The following CLEC2D variants were observed in gnomAD, a reference collection of about 807,000 sequenced individuals.
CLEC2D encodes C-type lectin domain family 2 member D, also known as C-type lectin related f.
Under a neutral mutation model 20.0 loss-of-function variants are expected in CLEC2D, and 16 were observed. That is an observed-to-expected ratio of 0.80 (90% confidence interval 0.54 to 1.22). CLEC2D has a LOEUF of 1.22. Among genes scored for constraint, CLEC2D ranks in the 50% most tolerant of loss-of-function variants. The pLI is 0.00. For missense variants in CLEC2D, 207 were observed against 221.5 expected (o/e 0.93, Z 0.42); for synonymous variants, 77 against 71.1 (o/e 1.08, Z -0.42).
At chr12:9,692,494 A>G (rs1245831927) in intron 3 of CLEC2D, among the ~76,000 whole-genome samples, 1 of 152,190 alleles carries the variant, frequency 6.6e-6, no homozygotes, top group East Asian at 1.9e-4. Flanking sequence ...ATTCTAGGAC[A>G]GGTGCCAAGA....
In CLEC2D at chr12:9,698,242, AATTT is replaced by A. The variant is rs1380893208; in HGVS notation, c.*3372_*3375del. On this transcript the variant is annotated 3_prime_UTR_variant, in exon 5 of 5. Coordinates refer to ENST00000290855, the MANE Select transcript of CLEC2D (RefSeq NM_013269.6). ...CATTTTCTGTGGTGAGAACATTTGA[AATTT>A]ATTCTCTTGACAATTTTGAAAGATC... 15 of 152,298 alleles carry A rather than the reference AATTT, an allele frequency of 9.8e-5. No homozygotes were observed. The highest frequency in any genetic ancestry group is 1.9e-4 in the East Asian group (1 of 5,188). The allele number at this position is 152,298 out of a possible 1,614,324, so 9.4% of individuals were successfully genotyped here. A position where few individuals can be genotyped will look rare whatever the true frequency, so the allele number is the denominator to read the frequency against.
At position 9,695,566 on chromosome 12, in the gene CLEC2D, G is replaced by T; in HGVS notation, c.*692G>T. 2 of 1,415,222 alleles carry T rather than the reference G, an allele frequency of 1.4e-6. No homozygotes were observed. The highest frequency in any genetic ancestry group is 2.0e-6 in the Non-Finnish European group (2 of 1,014,512). The allele number at this position is 1,415,222 out of a possible 1,614,324, so 87.7% of individuals were successfully genotyped here. On this transcript the variant is annotated 3_prime_UTR_variant, in exon 5 of 5. Transcript: ENST00000290855. ...AAAGGATGAACTGCACATTGTTGAA[G>T]CAGAGGCCATGAATGACGAAGGCAG...
chr12:9,676,030 A>C (rs1247840906), intron 1 of CLEC2D, among the ~76,000 whole-genome samples: 2 of 152,346 alleles, frequency 1.3e-5, no homozygotes, highest in East Asian at 3.9e-4. Flanking sequence ...GTCAGTTCCC[A>C]AAATTGTCAA....
intron 1 of CLEC2D, among the ~76,000 whole-genome samples, chr12:9,673,510 A>C (rs1221119435): frequency 6.6e-6 from 1 of 152,248 alleles, no homozygotes; most frequent in Non-Finnish European, 1.5e-5. Context: ...CTTGTTGGGA[A>C]GTCTCACCCA....
intron 2 of CLEC2D, 118 bp downstream of exon 2, chr12:9,681,151 G>A (rs1210357609): frequency 1.7e-6 from 1 of 586,768 alleles, no homozygotes; most frequent in African/African-American, 1.9e-5. Flanking sequence ...CACTAACTGA[G>A]TTACACTCCA....
rs921267799 is a variant in CLEC2D at position 9,697,017 on chromosome 12, C to A, written c.*2143C>A. 4 of 131,582 alleles carry A rather than the reference C, an allele frequency of 3.0e-5. No individual in the cohort carries two copies. Among genetic ancestry groups the A allele is most frequent in the African/African-American group, 1.2e-4 (4 of 34,146 alleles). The allele number at this position is 131,582 out of a possible 1,614,324, so 8.2% of individuals were successfully genotyped here. A position where few individuals can be genotyped will look rare whatever the true frequency, so the allele number is the denominator to read the frequency against. On this transcript the variant is annotated 3_prime_UTR_variant, in exon 5 of 5. Transcript: ENST00000290855. ...GAAATTGTCATATATATAAAACACA[C>A]ACATTATATACATACATACATATAT...
intron 2 of CLEC2D, among the ~76,000 whole-genome samples, chr12:9,686,775 A>G (rs1865757038): frequency 6.6e-6 from 1 of 152,176 alleles, no homozygotes; most frequent in African/African-American, 2.4e-5. Context: ...ATTTCTCCTG[A>G]TTATATAAGA....
intron 2 of CLEC2D, among the ~76,000 whole-genome samples, chr12:9,683,899 T>TA (rs1202225227): frequency 6.6e-6 from 1 of 151,758 alleles, no homozygotes; most frequent in Non-Finnish European, 1.5e-5. Flanking sequence ...TTTTTTTTTT[T>TA]AATTCTGTGA....
intron 1 of CLEC2D, among the ~76,000 whole-genome samples, chr12:9,677,042 C>T (rs1361008478): frequency 4.5e-5 from 5 of 110,778 alleles, no homozygotes; most frequent in African/African-American, 7.3e-5. Context: ...GAGCCTTATC[C>T]ATTTTTTTTT....
Position 9,695,683 on chromosome 12 carries a change from A to C in CLEC2D, c.*809A>C, listed in dbSNP as rs918779453. ...TGAAATAACACCACCAGTGGACTTA[A>C]GGTTGAAGTGTGGTTCAGGGCCAGT... On this transcript the variant is annotated 3_prime_UTR_variant, in exon 5 of 5. Transcript: ENST00000290855. The C allele has an allele frequency of 3.0e-5, 48 of 1,574,508 alleles. No homozygotes were observed. Among genetic ancestry groups the C allele is most frequent in the Non-Finnish European group, 3.5e-6 (4 of 1,154,606 alleles).
At position 9,696,127 on chromosome 12, in the gene CLEC2D, C is replaced by T; in HGVS notation, c.*1253C>T. ...AGCAAGTATAGAAAAACGTGGTTCTCTTCCCAAAGTGGAAACCAAGTTCAT... is the reference window on the plus strand; with the variant it reads ...AGCAAGTATAGAAAAACGTGGTTCTTTTCCCAAAGTGGAAACCAAGTTCAT... On this transcript the variant is annotated 3_prime_UTR_variant, in exon 5 of 5. Transcript: ENST00000290855. 1.0e-6 allele frequency: 1 copy of T among 976,082 alleles called. No homozygotes were observed. Among genetic ancestry groups the T allele is most frequent in the African/African-American group, 1.6e-5 (1 of 63,214 alleles). The allele number at this position is 976,082 out of a possible 1,614,324, so 60.5% of individuals were successfully genotyped here. A position where few individuals can be genotyped will look rare whatever the true frequency, so the allele number is the denominator to read the frequency against.
chr12:9,692,270 G>A (rs895592631), intron 3 of CLEC2D, among the ~76,000 whole-genome samples: 1 of 151,970 alleles, frequency 6.6e-6, no homozygotes, highest in Non-Finnish European at 1.5e-5. Flanking sequence ...CAAATAGCTG[G>A]GATTACAGGT....
rs373243831 is a variant in CLEC2D at position 9,694,775 on chromosome 12, A to C, written c.477A>C (p.Gly159=). The C allele has an allele frequency of 1.1e-5, 17 of 1,606,394 alleles. No homozygotes were observed. Among genetic ancestry groups the C allele is most frequent in the Non-Finnish European group, 1.4e-5 (16 of 1,173,246 alleles). The part of the protein sequence containing the change: ...TEWTRQFPIL[G]AGECAYLNDK... ...TCTCTTGCAGGTTTCCTATCCTGGG[A>C]GCAGGAGAGTGTGCCTATTTGAATG... Residue 159 remains glycine, a synonymous_variant, in exon 5 of 5, where the codon GGA becomes GGC. Coordinates refer to ENST00000290855, the MANE Select transcript of CLEC2D (RefSeq NM_013269.6).
At chr12:9,677,611 A>G (rs947096513) in intron 1 of CLEC2D, among the ~76,000 whole-genome samples, 5 of 151,104 alleles carry the variant, frequency 3.3e-5, no homozygotes, top group African/African-American at 9.7e-5. Flanking sequence ...AAAGTAGTCT[A>G]TAGATGTCAA....
At chr12:9,691,080 A>G (rs116593319) in intron 3 of CLEC2D, among the ~76,000 whole-genome samples, 79 of 152,256 alleles carry the variant, frequency 5.2e-4, no homozygotes, top group African/African-American at 1.8e-3. Context: ...ACTGAAAAAG[A>G]TATTCCATAC....
chr12:9,697,503 G>A lies in CLEC2D; in HGVS notation c.*2629G>A, dbSNP rs990407183. ...TTCTGGGCTCTCAGCTCTGAAGGCT[G>A]TGAGACCCCTGATTTCCCACTTCAC... On this transcript the variant is annotated 3_prime_UTR_variant, in exon 5 of 5. Transcript: ENST00000290855. 5 of 151,716 alleles carry A rather than the reference G, an allele frequency of 3.3e-5. No homozygotes were observed. Among genetic ancestry groups the A allele is most frequent in the Admixed American group, 2.6e-4 (4 of 15,260 alleles). 9.4% of individuals were successfully genotyped at this position (151,716 alleles called of 1,614,324 possible).
At chr12:9,693,698 C>T in intron 4 of CLEC2D, 1 of 372,868 alleles carries the variant, frequency 2.7e-6, no homozygotes, top group South Asian at 2.0e-5. Context: ...ATCTACACTG[C>T]CTTGCACATT....
chr12:9,691,364 T>A (rs1257637414), intron 3 of CLEC2D, among the ~76,000 whole-genome samples: 3 of 152,068 alleles, frequency 2.0e-5, no homozygotes, highest in Admixed American at 1.3e-4. Context: ...CAACTAGACA[T>A]AAGATCAATA....
At position 9,680,926 on chromosome 12, in the gene CLEC2D, G is replaced by A. The variant is rs753403199; in HGVS notation, c.65G>A (p.Cys22Tyr). Residue 22 changes from cysteine (C) to tyrosine (Y), a missense_variant, in exon 2 of 5, where the codon TGT becomes TAT. Coordinates refer to ENST00000290855, the MANE Select transcript of CLEC2D (RefSeq NM_013269.6). ...TPSELPANPG[C>Y]LHSKEHSIKA... is the part of the protein sequence containing the mutation. ...GTTTTTCAATAATTTTTTCCAGGTT[G>A]TCTGCATTCAAAAGAGCATTCTATT... 6.7e-7 allele frequency: 1 copy of A among 1,493,036 alleles called. No individual in the cohort carries two copies. Among genetic ancestry groups the A allele is most frequent in the African/African-American group, 1.4e-5 (1 of 72,968 alleles). The allele number at this position is 1,493,036 out of a possible 1,614,324, so 92.5% of individuals were successfully genotyped here. A position where few individuals can be genotyped will look rare whatever the true frequency, so the allele number is the denominator to read the frequency against.
Sources: gnomAD v4.1 joint callset for allele counts (sites outside exome capture counted in the v4.1 genomes callset) on GRCh38, gnomAD v4.1.1 for gene constraint, MANE v1.5 for transcripts, NCBI Gene and HGNC (gene_info 2026-07-23, HGNC 2026-07-21) for gene names.